The following LIX1 variants were observed in gnomAD, a reference collection of about 807,000 sequenced individuals.
LIX1 encodes the protein protein limb expression 1 homolog.
LIX1 carries 24 observed loss-of-function variants against 33.4 expected under a neutral mutation model. The observed-to-expected ratio is 0.72, with a 90% CI of 0.52 to 1.01. The LOEUF (loss-of-function observed/expected upper bound fraction) is 1.01. Ranked by LOEUF, LIX1 falls within the 50% of genes least tolerant of loss-of-function variation. The pLI is 0.00. For missense variants in LIX1, 311 were observed against 339.2 expected (o/e 0.92, Z 0.65); for synonymous variants, 124 against 124.0 (o/e 1.00, Z 0.00).
At chr5:97,120,324 T>G (rs769217959) in intron 2 of LIX1, among the ~76,000 whole-genome samples, 1 of 152,228 alleles carries the variant, frequency 6.6e-6, no homozygotes, top group South Asian at 2.1e-4. Flanking sequence ...CACAATTTAT[T>G]AGGCACTTTA....
chr5:97,100,922 A>G (rs76690105), intron 4 of LIX1, among the ~76,000 whole-genome samples: 2 of 150,190 alleles, frequency 1.3e-5, no homozygotes, highest in Non-Finnish European at 3.0e-5. Context: ...ATATATATAA[A>G]TTTTTTTTTA....
chr5:97,094,368 C>A lies in LIX1; in HGVS notation c.*380G>T. 1 of 189,754 alleles carries A rather than the reference C, an allele frequency of 5.3e-6. No homozygotes were observed. 11.8% of individuals were successfully genotyped at this position (189,754 alleles called of 1,614,324 possible). A position where few individuals can be genotyped will look rare whatever the true frequency, so the allele number is the denominator to read the frequency against. On this transcript the variant is annotated 3_prime_UTR_variant, in exon 6 of 6. Transcript: ENST00000274382. ...AAACACTGCTATCATGCTACTTCAC[C>A]TAATTCTGGCTGCTGTTCATTTGGG...
At position 97,093,351 on chromosome 5, in the gene LIX1, A is replaced by G. The variant is rs563261745; in HGVS notation, c.*1397T>C. 5.9e-5 allele frequency: 9 copies of G among 152,466 alleles called. No homozygotes were observed. In the East Asian group the frequency reaches 1.7e-3, roughly 29 times the overall value. The allele number at this position is 152,466 out of a possible 1,614,324, so 9.4% of individuals were successfully genotyped here. A position where few individuals can be genotyped will look rare whatever the true frequency, so the allele number is the denominator to read the frequency against. ...GAAAAAGAAATTATTTTAAATTGAGAAAAACATTTTCTTTAATTTGGACTA... is the reference window on the plus strand; with the variant it reads ...GAAAAAGAAATTATTTTAAATTGAGGAAAACATTTTCTTTAATTTGGACTA... On this transcript the variant is annotated 3_prime_UTR_variant, in exon 6 of 6. Coordinates refer to ENST00000274382, the MANE Select transcript of LIX1 (RefSeq NM_153234.5).
At chr5:97,118,979 G>A (rs1747709764) in intron 2 of LIX1, among the ~76,000 whole-genome samples, 1 of 152,172 alleles carries the variant, frequency 6.6e-6, no homozygotes, top group African/African-American at 2.4e-5. Context: ...CCAGTGGTTT[G>A]TATCCATCAG....
chr5:97,106,760 G>A (rs114573429), intron 3 of LIX1, among the ~76,000 whole-genome samples: 2,575 of 152,216 alleles, frequency 0.017, 54 homozygotes, highest in African/African-American at 0.058. Context: ...TGCTCTTAAA[G>A]CACTTTGCAT....
Position 97,105,423 on chromosome 5 carries a change from T to C in LIX1, c.388-138A>G, listed in dbSNP as rs1422688761. Reference sequence around the variant, plus strand: ...CAGATGTTCACAACCAAGTCTCCAGTAGATTTGAGAGTTTTGTCATCAATT... The same window carrying C: ...CAGATGTTCACAACCAAGTCTCCAGCAGATTTGAGAGTTTTGTCATCAATT... On this transcript the variant is annotated intron_variant, in intron 3 of 5. Transcript: ENST00000274382. The C allele has an allele frequency of 5.1e-5, 32 of 628,824 alleles. 1 individual carries two copies. Among genetic ancestry groups the C allele is most frequent in the East Asian group, 3.9e-4 (14 of 35,458 alleles). 39.0% of individuals were successfully genotyped at this position (628,824 alleles called of 1,614,324 possible).
intron 2 of LIX1, among the ~76,000 whole-genome samples, chr5:97,113,661 T>C (rs1747530870): frequency 6.6e-6 from 1 of 152,180 alleles, no homozygotes; most frequent in Non-Finnish European, 1.5e-5. Context: ...CTGTCTGACT[T>C]GGGAGTCCAG....
chr5:97,118,827 T>TTC (rs1010414207), intron 2 of LIX1, among the ~76,000 whole-genome samples: 55 of 151,494 alleles, frequency 3.6e-4, no homozygotes, highest in South Asian at 6.2e-4. Context: ...TATGGCTGCT[T>TTC]TCTCTCTCTC....
intron 1 of LIX1, among the ~76,000 whole-genome samples, chr5:97,132,318 T>C (rs1644211065): frequency 6.6e-6 from 1 of 152,166 alleles, no homozygotes; most frequent in South Asian, 2.1e-4. Context: ...GGAACAGAGA[T>C]GATGTTAAAG....
intron 1 of LIX1, among the ~76,000 whole-genome samples, chr5:97,125,734 G>A (rs1401853871): frequency 6.6e-6 from 1 of 152,174 alleles, no homozygotes; most frequent in East Asian, 1.9e-4. Context: ...TCACTTCCCT[G>A]CTTGTGGAAA....
rs1287118649 is a variant in LIX1, at chr5:97,092,557, C to G, written c.*2191G>C. On this transcript the variant is annotated 3_prime_UTR_variant, in exon 6 of 6. Coordinates refer to ENST00000274382, the MANE Select transcript of LIX1 (RefSeq NM_153234.5). ...AAGATTCTGACTTTTATTTATTTTGCTGAAGCTTTCATACCATTCCAGGAA... is the reference window on the plus strand; with the variant it reads ...AAGATTCTGACTTTTATTTATTTTGGTGAAGCTTTCATACCATTCCAGGAA... 6.6e-6 allele frequency: 1 copy of G among 152,320 alleles called. No homozygotes were observed. The highest frequency in any genetic ancestry group is 1.9e-4 in the East Asian group (1 of 5,336). 9.4% of individuals were successfully genotyped at this position (152,320 alleles called of 1,614,324 possible). A position where few individuals can be genotyped will look rare whatever the true frequency, so the allele number is the denominator to read the frequency against.
intron 4 of LIX1, 41 bp from the exon 5 acceptor site, chr5:97,096,928 A>T: frequency 1.4e-6 from 2 of 1,451,656 alleles, no homozygotes; most frequent in Non-Finnish European, 1.9e-6. Context: ...CAAAGCAGAA[A>T]TGTGCATTGG....
rs544932907 is a variant in LIX1 at position 97,114,094 on chromosome 5, A to G, written c.247-6594T>C. Among the ~76,000 whole-genome samples, 6 of 152,222 alleles carry G rather than the reference A, an allele frequency of 3.9e-5. No individual in the cohort carries two copies. In the East Asian group the frequency reaches 5.8e-4, roughly 15 times the overall value. The stretch of plus-strand genomic sequence containing the variant: ...TAGGAAGCATCTCATTCTAACCTTA[A>G]GTACTCTCTTGATGAAGTACGGGGC... On this transcript the variant is annotated intron_variant, in intron 2 of 5. Transcript: ENST00000274382.
At chr5:97,113,687 G>A (rs1020657056) in intron 2 of LIX1, among the ~76,000 whole-genome samples, 1 of 152,102 alleles carries the variant, frequency 6.6e-6, no homozygotes, top group Non-Finnish European at 1.5e-5. Context: ...TAACCACTTT[G>A]CTATTTTGCT....
chr5:97,110,026 A>G (rs1747293375), intron 2 of LIX1, among the ~76,000 whole-genome samples: 1 of 152,236 alleles, frequency 6.6e-6, no homozygotes, highest in African/African-American at 2.4e-5. Flanking sequence ...GCAATTGCAA[A>G]TTGTGCTGCT....
At chr5:97,112,497 C>T (rs1032722027) in intron 2 of LIX1, among the ~76,000 whole-genome samples, 4 of 152,134 alleles carry the variant, frequency 2.6e-5, no homozygotes, top group Non-Finnish European at 4.4e-5. Flanking sequence ...TTTAGCCAGG[C>T]CCTAATCATA....
intron 1 of LIX1, among the ~76,000 whole-genome samples, chr5:97,135,864 A>G (rs1278773674): frequency 6.6e-6 from 1 of 152,162 alleles, no homozygotes; most frequent in Non-Finnish European, 1.5e-5. Context: ...AAGAGACTTT[A>G]GAGGACCAAT....
intron 4 of LIX1, among the ~76,000 whole-genome samples, chr5:97,097,718 C>T (rs925744206): frequency 4.6e-5 from 7 of 152,114 alleles, no homozygotes; most frequent in Admixed American, 2.0e-4. Context: ...ATTTATAGGA[C>T]GCCATTAGTT....
At chr5:97,137,070 C>A (rs528181934) in intron 1 of LIX1, 3 of 438,336 alleles carry the variant, frequency 6.8e-6, no homozygotes, top group Non-Finnish European at 1.4e-5. Flanking sequence ...AAAACCGTGT[C>A]ATTTAAACAG....
Sources: gnomAD v4.1 joint callset for allele counts (sites outside exome capture counted in the v4.1 genomes callset) on GRCh38, gnomAD v4.1.1 for gene constraint, MANE v1.5 for transcripts, NCBI Gene and HGNC (gene_info 2026-07-23, HGNC 2026-07-21) for gene names.